The following SEPTIN9 variants were observed in gnomAD, a reference collection of about 807,000 sequenced individuals.
SEPTIN9 encodes the protein septin-9.
A neutral mutation model predicts 56.6 loss-of-function variants in SEPTIN9; 13 were observed. The ratio of observed to expected loss-of-function variants is 0.23; its 90% CI spans 0.15 to 0.37. The LOEUF is 0.37. Among genes scored for constraint, SEPTIN9 ranks in the 10% least tolerant of loss-of-function variants. The pLI, the probability that SEPTIN9 is intolerant of heterozygous loss-of-function variation, is 1.00. For synonymous variants in SEPTIN9, 332 were observed against 334.1 expected, an observed-to-expected ratio of 0.99 and a Z score of 0.07; for missense variants, 650 against 823.1, an observed-to-expected ratio of 0.79 and a Z score of 2.57.
rs974863786 is a variant in SEPTIN9 at position 77,425,272 on chromosome 17, G to A, written c.721+22569G>A. Reference sequence around the variant, plus strand: ...GGAAAACCCAGCTGCACAGGAAGCCGGGCCAGCGGCCTCCGGAAGCCTCTG... The same window carrying A: ...GGAAAACCCAGCTGCACAGGAAGCCAGGCCAGCGGCCTCCGGAAGCCTCTG... On this transcript the variant is annotated intron_variant, in intron 3 of 11. Coordinates refer to ENST00000427177, the MANE Select transcript of SEPTIN9 (RefSeq NM_001113491.2). The surrounding 1 kb of genome is among the most constrained non-coding windows in gnomAD (Gnocchi z 4.2). Among the ~76,000 whole-genome samples, 3 of 152,182 alleles carry A rather than the reference G, an allele frequency of 2.0e-5. No individual in the cohort carries two copies. Among genetic ancestry groups the A allele is most frequent in the South Asian group, 2.1e-4 (1 of 4,838 alleles).
chr17:77,482,113 C>A (rs769547740), intron 3 of SEPTIN9, 31 bp from the exon 4 acceptor site: 10 of 1,535,124 alleles, frequency 6.5e-6, no homozygotes, highest in Non-Finnish European at 8.8e-7. Context: ...GCCCCTGTTC[C>A]GCTCTAACTC....
intron 10 of SEPTIN9, among the ~76,000 whole-genome samples, chr17:77,495,887 A>G (rs1334838638): frequency 5.3e-5 from 8 of 152,194 alleles, no homozygotes; most frequent in African/African-American, 1.7e-4. Context: ...CTTGGGGAAA[A>G]GCCATGTGGC....
chr17:77,288,222 GCT>G, intron 1 of SEPTIN9: 1 of 1,045,764 alleles, frequency 9.6e-7, no homozygotes, highest in Non-Finnish European at 1.2e-6. Context: ...TGGGTGCATT[GCT>G]CTCTTTCCGG....
chr17:77,455,667 A>G (rs2038166484), intron 3 of SEPTIN9, among the ~76,000 whole-genome samples: 1 of 152,162 alleles, frequency 6.6e-6, no homozygotes, highest in African/African-American at 2.4e-5. Context: ...GGCGGGGTTG[A>G]TGGTGCCGTC....
intron 3 of SEPTIN9, among the ~76,000 whole-genome samples, chr17:77,478,777 C>T (rs1174348835): frequency 6.8e-5 from 10 of 147,000 alleles, no homozygotes; most frequent in Admixed American, 6.7e-4. Context: ...GCACTCCAGC[C>T]TGGGCAACAA....
chr17:77,453,025 T>C lies in SEPTIN9; in HGVS notation c.722-29119T>C, dbSNP rs1417120660. On this transcript the variant is annotated intron_variant, in intron 3 of 11. Coordinates refer to ENST00000427177, the MANE Select transcript of SEPTIN9 (RefSeq NM_001113491.2). This position sits in a 1 kb window ranked among gnomAD's most constrained non-coding sequence, Gnocchi z 4.4. ...TTGCTGCTGACTCCCAGCTTGCCCC[T>C]TCTGTCCCCTGGCCATTTCTGTGTC... Among the ~76,000 whole-genome samples the C allele has an allele frequency of 6.6e-6, 1 of 151,740 alleles. No individual in the cohort carries two copies. The highest frequency in any genetic ancestry group is 1.9e-4 in the East Asian group (1 of 5,176).
intron 2 of SEPTIN9, chr17:77,373,468 C>A: frequency 6.6e-7 from 1 of 1,520,650 alleles, no homozygotes; most frequent in Non-Finnish European, 8.8e-7. Context: ...CGCCGCTGCC[C>A]TCCGCGCGAC....
chr17:77,347,574 T>C (rs1412576156), intron 2 of SEPTIN9, among the ~76,000 whole-genome samples: 1 of 152,060 alleles, frequency 6.6e-6, no homozygotes, highest in Admixed American at 6.5e-5. Flanking sequence ...TAATTTTATC[T>C]TGGACTCAAC....
At chr17:77,391,306 G>T (rs915341157) in intron 2 of SEPTIN9, among the ~76,000 whole-genome samples, 1 of 152,132 alleles carries the variant, frequency 6.6e-6, no homozygotes, top group Non-Finnish European at 1.5e-5. Context: ...TCTATATCCT[G>T]GGGTTGCTGT....
In SEPTIN9 at chr17:77,365,133, A is replaced by G. The variant is rs1323097824; in HGVS notation, c.77-36926A>G. On this transcript the variant is annotated intron_variant, in intron 2 of 11. Coordinates refer to ENST00000427177, the MANE Select transcript of SEPTIN9 (RefSeq NM_001113491.2). ...CAAGAGGGCTGATGCCCCACATTCC[A>G]GGCCCCCAGAAAGAGCCGCCACCCA... Among the ~76,000 whole-genome samples the G allele has an allele frequency of 2.0e-5, 3 of 152,052 alleles. No homozygotes were observed. In the East Asian group the frequency reaches 5.8e-4, roughly 29 times the overall value.
At chr17:77,365,119 A>G (rs2034533077) in intron 2 of SEPTIN9, among the ~76,000 whole-genome samples, 1 of 152,164 alleles carries the variant, frequency 6.6e-6, no homozygotes. Flanking sequence ...AAGAGGGCTG[A>G]TGCCCCACAT....
intron 3 of SEPTIN9, chr17:77,444,934 G>A (rs973534883): frequency 7.4e-5 from 27 of 366,446 alleles, no homozygotes; most frequent in South Asian, 5.5e-4. Flanking sequence ...AAGGAAGAGG[G>A]TTTGCTTGTT....
In SEPTIN9 at chr17:77,445,813, G is replaced by C. The variant is rs1164007785; in HGVS notation, c.722-36331G>C. 4.3e-5 allele frequency: 9 copies of C among 208,832 alleles called. No homozygotes were observed. The highest frequency in any genetic ancestry group is 9.9e-5 in the Non-Finnish European group (9 of 91,260). The allele number at this position is 208,832 out of a possible 1,614,324, so 12.9% of individuals were successfully genotyped here. On this transcript the variant is annotated intron_variant, in intron 3 of 11. Transcript: ENST00000427177. This position sits in a 1 kb window ranked among gnomAD's most constrained non-coding sequence, Gnocchi z 4.7. The stretch of plus-strand genomic sequence containing the variant: ...GACCCTTCTGTTGGGTGGGTCACGA[G>C]GAAGGACTGTGGGTGTTGCCCACAG...
At chr17:77,335,157 T>C (rs1466135444) in intron 2 of SEPTIN9, among the ~76,000 whole-genome samples, 1 of 151,958 alleles carries the variant, frequency 6.6e-6, no homozygotes, top group Non-Finnish European at 1.5e-5. Context: ...CTATGTTGAC[T>C]GTATATGTGG....
rs367798346 is a variant in SEPTIN9 at position 77,401,759 on chromosome 17, T to G, written c.77-300T>G. Among the ~76,000 whole-genome samples the G allele has an allele frequency of 2.0e-5, 3 of 151,738 alleles. No homozygotes were observed. The East Asian group carries it at 5.8e-4, about 29-fold the overall frequency. On this transcript the variant is annotated intron_variant, in intron 2 of 11. Transcript: ENST00000427177. The stretch of plus-strand genomic sequence containing the variant: ...AGGAAATAAAAGTCTTCTCTGGAAC[T>G]AGAACGTTCCTATGTAGACGTAGCT...
chr17:77,377,856 A>T (rs312828), intron 2 of SEPTIN9, among the ~76,000 whole-genome samples: 1 of 152,026 alleles, frequency 6.6e-6, no homozygotes, highest in Non-Finnish European at 1.5e-5. Flanking sequence ...GACTCAAGGC[A>T]TCCTGTGAAT....
At chr17:77,316,777 G>C (rs1175789115) in intron 2 of SEPTIN9, among the ~76,000 whole-genome samples, 1 of 151,260 alleles carries the variant, frequency 6.6e-6, no homozygotes, top group East Asian at 1.9e-4. Context: ...TGCAATTATA[G>C]CTCACAGCAG....
At chr17:77,423,693 C>G (rs868076966) in intron 3 of SEPTIN9, among the ~76,000 whole-genome samples, 8 of 152,240 alleles carry the variant, frequency 5.3e-5, no homozygotes, top group Non-Finnish European at 1.2e-4. Context: ...CCACTGCCCC[C>G]GTCGCGTTCC....
chr17:77,307,117 T>A, intron 1 of SEPTIN9, 24 bp from the exon 2 acceptor site: 1 of 1,613,038 alleles, frequency 6.2e-7, no homozygotes, highest in Non-Finnish European at 8.5e-7. Flanking sequence ...TTGTGTGACC[T>A]TTGCCCTTTG....
Sources: allele counts gnomAD v4.1 joint callset (sites outside exome capture counted in the v4.1 genomes callset), GRCh38; gene constraint gnomAD v4.1.1; non-coding constraint Gnocchi (gnomAD v3.1); transcripts MANE v1.5; gene names NCBI Gene and HGNC (gene_info 2026-07-23, HGNC 2026-07-21).